STON1: variants seen among roughly 807,000 people sequenced by gnomAD.
STON1 encodes the protein stonin-1.
STON1 carries 79 observed loss-of-function variants against 60.9 expected under a neutral mutation model. The observed-to-expected ratio is 1.30, with a 90% CI of 1.08 to 1.56. The LOEUF is 1.56. STON1 is among the 40% of genes most tolerant of loss of function. The pLI is 0.00. For synonymous variants in STON1, 363 were observed against 306.9 expected (o/e 1.18, Z -1.91); for missense variants, 1,166 against 858.9 (o/e 1.36, Z -4.47).
intron 1 of STON1, among the ~76,000 whole-genome samples, chr2:48,554,398 T>A (rs930555033): frequency 2.6e-5 from 4 of 152,146 alleles, no homozygotes; most frequent in African/African-American, 9.7e-5. Context: ...ATTTTTTGTA[T>A]TTTTAATAGA....
At position 48,558,224 on chromosome 2, in the gene STON1, C is replaced by T. The variant is rs575390944; in HGVS notation, c.-47-22363C>T. On this transcript the variant is annotated intron_variant, in intron 1 of 3. Transcript: ENST00000404752. The stretch of plus-strand genomic sequence containing the variant: ...GGGCGAAGAGCGAAACTCTGTCTGT[C>T]TCAAAATAGAGAAAGAAAAAAATCT... Among the ~76,000 whole-genome samples, 5 of 152,258 alleles carry T rather than the reference C, an allele frequency of 3.3e-5. No homozygotes were observed. In the East Asian group the frequency reaches 9.7e-4, roughly 29 times the overall value.
intron 1 of STON1, among the ~76,000 whole-genome samples, chr2:48,542,267 TCTC>T (rs1242694486): frequency 6.6e-6 from 1 of 152,214 alleles, no homozygotes; most frequent in Non-Finnish European, 1.5e-5. Context: ...TCATTGGCCT[TCTC>T]CTCTGGCCCT....
At chr2:48,560,795 A>G (rs1672577622) in intron 1 of STON1, among the ~76,000 whole-genome samples, 1 of 152,116 alleles carries the variant, frequency 6.6e-6, no homozygotes, top group Non-Finnish European at 1.5e-5. Context: ...AGGCCCCAGC[A>G]TCCATGCTGG....
intron 1 of STON1, among the ~76,000 whole-genome samples, chr2:48,562,777 G>A (rs746551700): frequency 6.6e-6 from 1 of 152,194 alleles, no homozygotes; most frequent in Non-Finnish European, 1.5e-5. Flanking sequence ...GCCACCTACA[G>A]GTTCTGTGGG....
chr2:48,586,924 T>C (rs1384329956), intron 2 of STON1, among the ~76,000 whole-genome samples: 1 of 152,068 alleles, frequency 6.6e-6, no homozygotes, highest in Non-Finnish European at 1.5e-5. Flanking sequence ...AGATTCTCTA[T>C]GGGCATGAGG....
At position 48,580,749 on chromosome 2, in the gene STON1, G is replaced by T; in HGVS notation, c.116G>T (p.Gly39Val). ...AATCAAGGTGTCTGTAGACCAAATG[G>T]ACTGAAGCTGAACCTTCCTGGCCTC... The part of the protein sequence containing the change: ...LENQGVCRPN[G>V]LKLNLPGLRE... Residue 39 changes from glycine (G) to valine (V), a missense_variant, in exon 2 of 4, where the codon GGA (glycine) becomes GTA (valine). Coordinates refer to ENST00000404752, the MANE Select transcript of STON1 (RefSeq NM_006873.4). The T allele has an allele frequency of 6.5e-7, 1 of 1,548,738 alleles. No individual in the cohort carries two copies. The highest frequency in any genetic ancestry group is 8.7e-7 in the Non-Finnish European group (1 of 1,148,358).
chr2:48,592,465 T>C (rs1449721577), intron 3 of STON1, among the ~76,000 whole-genome samples: 3 of 151,408 alleles, frequency 2.0e-5, no homozygotes, highest in African/African-American at 7.3e-5. Context: ...GGCATCTCAC[T>C]CTGTCACCCA....
At chr2:48,560,020 C>T (rs1672545106) in intron 1 of STON1, among the ~76,000 whole-genome samples, 1 of 152,136 alleles carries the variant, frequency 6.6e-6, no homozygotes, top group Non-Finnish European at 1.5e-5. Flanking sequence ...AATATCCTTT[C>T]TGGGCCATTT....
At chr2:48,547,569 G>A (rs1357590126) in intron 1 of STON1, among the ~76,000 whole-genome samples, 2 of 152,218 alleles carry the variant, frequency 1.3e-5, no homozygotes, top group Non-Finnish European at 2.9e-5. Flanking sequence ...CAGGAAACAA[G>A]TGTGGAAGCA....
At chr2:48,558,048 C>T (rs1027453147) in intron 1 of STON1, among the ~76,000 whole-genome samples, 22 of 152,166 alleles carry the variant, frequency 1.4e-4, no homozygotes, top group Admixed American at 1.1e-3. Context: ...TATGGAGAAA[C>T]CCCATCTCTA....
chr2:48,543,264 TG>T (rs1355406514), intron 1 of STON1, among the ~76,000 whole-genome samples: 2 of 151,778 alleles, frequency 1.3e-5, no homozygotes, highest in Admixed American at 1.3e-4. Context: ...TGTGAACCAT[TG>T]CACCCGGCCA....
rs1251289241 is a variant in STON1 at position 48,597,285 on chromosome 2, C to G, written c.*1983C>G. On this transcript the variant is annotated 3_prime_UTR_variant, in exon 4 of 4. Coordinates refer to ENST00000404752, the MANE Select transcript of STON1 (RefSeq NM_006873.4). ...AAATTCTACCATCTTTCTTTATCAT[C>G]TGGTGTGGGCGCACTCTACAGTGAC... 1 of 152,166 alleles carries G rather than the reference C, an allele frequency of 6.6e-6. No individual in the cohort carries two copies. The highest frequency in any genetic ancestry group is 6.6e-5 in the Admixed American group (1 of 15,262). 9.4% of individuals were successfully genotyped at this position (152,166 alleles called of 1,614,324 possible).
At chr2:48,564,987 C>A (rs1318889270) in intron 1 of STON1, among the ~76,000 whole-genome samples, 1 of 148,632 alleles carries the variant, frequency 6.7e-6, no homozygotes, top group Non-Finnish European at 1.5e-5. Flanking sequence ...CCTGCCTCAG[C>A]CTTCCAAAGT....
chr2:48,530,154 C>CTCCTCCTCCTCT lies in STON1; in HGVS notation c.-108_-107insCTCCTCCTCTTC. ...CCTCCTCCCCCTCCTCCTCCCCCTC[C>CTCCTCCTCCTCT]TCTTCCTCCGCCTCCTGGTGTGGCT... On this transcript the variant is annotated 5_prime_UTR_variant, in exon 1 of 4. Transcript: ENST00000404752. The CTCCTCCTCCTCT allele has an allele frequency of 2.4e-6, 1 of 408,840 alleles. No individual in the cohort carries two copies. The highest frequency in any genetic ancestry group is 4.8e-6 in the Non-Finnish European group (1 of 208,394). The allele number at this position is 408,840 out of a possible 1,614,324, so 25.3% of individuals were successfully genotyped here.
At chr2:48,566,336 C>T (rs192679575) in intron 1 of STON1, among the ~76,000 whole-genome samples, 218 of 152,256 alleles carry the variant, frequency 1.4e-3, no homozygotes, top group African/African-American at 4.9e-3. Context: ...CCACCACGCC[C>T]GGCTAATTTT....
chr2:48,590,636 A>AACAC (rs6146756), intron 2 of STON1, among the ~76,000 whole-genome samples: 89 of 142,116 alleles, frequency 6.3e-4, no homozygotes, highest in Middle Eastern at 3.5e-3. Context: ...ATTTCCTTAT[A>AACAC]ACACACACAC....
At chr2:48,590,028 T>G (rs971806541) in intron 2 of STON1, among the ~76,000 whole-genome samples, 1 of 152,220 alleles carries the variant, frequency 6.6e-6, no homozygotes, top group African/African-American at 2.4e-5. Context: ...AAGCAATTTG[T>G]AACCCTAGCC....
At chr2:48,573,676 C>G (rs1169190276) in intron 1 of STON1, among the ~76,000 whole-genome samples, 2 of 152,180 alleles carry the variant, frequency 1.3e-5, no homozygotes, top group African/African-American at 4.8e-5. Context: ...TTTTTCCACA[C>G]CTAGGTATAT....
intron 1 of STON1, among the ~76,000 whole-genome samples, chr2:48,536,050 G>C (rs536814589): frequency 6.6e-6 from 1 of 152,244 alleles, no homozygotes; most frequent in East Asian, 1.9e-4. Flanking sequence ...TCAGGCCACT[G>C]CACTCCAGCC....
Sources: gnomAD v4.1 joint callset for allele counts (sites outside exome capture counted in the v4.1 genomes callset) on GRCh38, gnomAD v4.1.1 for gene constraint, MANE v1.5 for transcripts, NCBI Gene and HGNC (gene_info 2026-07-23, HGNC 2026-07-21) for gene names.